The following DBF4B variants were observed in gnomAD, a reference collection of about 807,000 sequenced individuals.
DBF4B encodes the protein DBF4B-CDC7 kinase regulatory subunit.
In DBF4B, 49 loss-of-function variants were observed where a neutral mutation model predicts 53.4. The observed-to-expected ratio is 0.92, with a 90% CI of 0.73 to 1.16. The LOEUF (loss-of-function observed/expected upper bound fraction) is 1.16. DBF4B is among the 50% of genes most tolerant of loss of function. DBF4B has a pLI of 0.00. For synonymous variants in DBF4B, 257 were observed against 288.7 expected, an observed-to-expected ratio of 0.89 and a Z score of 1.11; for missense variants, 692 against 775.0, an observed-to-expected ratio of 0.89 and a Z score of 1.27.
In DBF4B at chr17:44,751,703, C is replaced by T. The variant is rs933679634; in HGVS notation, c.*450C>T. On this transcript the variant is annotated 3_prime_UTR_variant, in exon 14 of 14. Coordinates refer to ENST00000315005, the MANE Select transcript of DBF4B (RefSeq NM_145663.3). ...TCCTGCGGTCTATACCTACCGCCTC[C>T]TCTTCACCTCCTTCCCTTCCACACT... is the stretch of plus-strand genomic sequence containing the variant. 2.1e-6 allele frequency: 3 copies of T among 1,432,500 alleles called. No homozygotes were observed. Among genetic ancestry groups the T allele is most frequent in the Non-Finnish European group, 2.7e-6 (3 of 1,095,856 alleles). 88.7% of individuals were successfully genotyped at this position (1,432,500 alleles called of 1,614,324 possible).
In DBF4B at chr17:44,741,317, GAA is replaced by G. The variant is rs759348746; in HGVS notation, c.714-18_714-17del. ...TACCTTCCCCATTGTAGTCAAAGTG[GAA>G]GTTTTCTCTGTTGCAGGAAGTTTCG... On this transcript the variant is annotated splice_polypyrimidine_tract_variant and intron_variant, in intron 9 of 13. Transcript: ENST00000315005. 1 of 1,577,424 alleles carries G rather than the reference GAA, an allele frequency of 6.3e-7. No homozygotes were observed. Among genetic ancestry groups the G allele is most frequent in the East Asian group, 2.2e-5 (1 of 44,658 alleles).
chr17:44,725,000 C>A (rs1974176811), intron 3 of DBF4B, among the ~76,000 whole-genome samples: 1 of 150,596 alleles, frequency 6.6e-6, no homozygotes, highest in Non-Finnish European at 1.5e-5. Context: ...CCTGTAATCC[C>A]AACTATGCAG....
chr17:44,741,435 C>A lies in DBF4B; in HGVS notation c.813C>A (p.Gly271=), dbSNP rs1383129846. The change falls in exon 10 of 14, where the codon GGC becomes GGA. Residue 271 remains glycine, a synonymous_variant. Transcript: ENST00000315005. ...CCTTTGAGGCCCCGACGACCCTGGG[C>A]AGCATGCACCATACCAGGTGGGTCT... ...ASPFEAPTTL[G]SMHHTRESKD... is the part of the protein sequence containing the mutation. 1.9e-6 allele frequency: 3 copies of A among 1,609,442 alleles called. No homozygotes were observed. The highest frequency in any genetic ancestry group is 2.5e-6 in the Non-Finnish European group (3 of 1,177,450).
intron 8 of DBF4B, among the ~76,000 whole-genome samples, chr17:44,737,462 T>C (rs1472985893): frequency 5.3e-5 from 8 of 152,216 alleles, no homozygotes; most frequent in Non-Finnish European, 1.2e-4. Flanking sequence ...CTCAGTTAAT[T>C]AGAAAGACAA....
chr17:44,751,313 T>C lies in DBF4B; in HGVS notation c.*60T>C, dbSNP rs1176718977. 11 of 1,555,666 alleles carry C rather than the reference T, an allele frequency of 7.1e-6. No homozygotes were observed. ...ATGGATGGGTGCTGCTTGATGTGAA[T>C]GAGGTCCCGCAGTGGCTCCTTGGCG... On this transcript the variant is annotated 3_prime_UTR_variant, in exon 14 of 14. Transcript: ENST00000315005.
intron 2 of DBF4B, among the ~76,000 whole-genome samples, chr17:44,717,341 A>G (rs1192712045): frequency 1.3e-5 from 2 of 152,180 alleles, no homozygotes; most frequent in Non-Finnish European, 2.9e-5. Flanking sequence ...AAAAAATTTC[A>G]AAAATAGTCA....
Position 44,751,083 on chromosome 17 carries a change from T to TC in DBF4B, c.1679dup (p.Leu561IlefsTer24). On this transcript the variant is annotated frameshift_variant, in exon 14 of 14. Coordinates refer to ENST00000315005, the MANE Select transcript of DBF4B (RefSeq NM_145663.3). LOFTEE classifies it low-confidence loss of function (END_TRUNC). ...CCTGTGGTGCCGGGTTCGGGTGCCC[T>TC]CATTGTCAACTGCAGGACCCATTCC... The TC allele has an allele frequency of 6.2e-7, 1 of 1,614,120 alleles. No individual in the cohort carries two copies. The highest frequency in any genetic ancestry group is 1.1e-5 in the South Asian group (1 of 91,084).
At chr17:44,720,150 G>A in intron 2 of DBF4B, 1 of 326,578 alleles carries the variant, frequency 3.1e-6, no homozygotes, top group Non-Finnish European at 5.8e-6. Flanking sequence ...CAGTGGTGAT[G>A]ATCAGAATCG....
At chr17:44,709,429 A>C (rs1226489014) in intron 2 of DBF4B, 63 bp downstream of exon 2, 1 of 1,566,356 alleles carries the variant, frequency 6.4e-7, no homozygotes, top group Non-Finnish European at 8.8e-7. Flanking sequence ...CTTGGAGAAG[A>C]CCGAAAAATG....
At chr17:44,734,053 G>A in intron 6 of DBF4B, 37 bp from the exon 7 acceptor site, 1 of 1,576,676 alleles carries the variant, frequency 6.3e-7, no homozygotes. Context: ...AGTGAAGACT[G>A]GAAGCCTTTG....
chr17:44,744,912 T>C (rs1976453189), intron 10 of DBF4B, among the ~76,000 whole-genome samples: 1 of 152,206 alleles, frequency 6.6e-6, no homozygotes, highest in Non-Finnish European at 1.5e-5. Context: ...TTTTATTTGG[T>C]TATTGATCAC....
At chr17:44,710,342 AGT>A (rs1343363246) in intron 2 of DBF4B, among the ~76,000 whole-genome samples, 1 of 152,004 alleles carries the variant, frequency 6.6e-6, no homozygotes, top group Non-Finnish European at 1.5e-5. Context: ...GAACTTCAAG[AGT>A]GTTTTCAAAA....
Position 44,751,523 on chromosome 17 carries a change from A to G in DBF4B, c.*270A>G, listed in dbSNP as rs1265205797. On this transcript the variant is annotated 3_prime_UTR_variant, in exon 14 of 14. Transcript: ENST00000315005. ...CTGTCTGTCCCTGGCCCTCCAGCCC[A>G]CCTCGCCAACCACTCTTGTTGGTTT... The G allele has an allele frequency of 3.1e-6, 4 of 1,308,726 alleles. No homozygotes were observed. The highest frequency in any genetic ancestry group is 3.9e-6 in the Non-Finnish European group (4 of 1,032,040). 81.1% of individuals were successfully genotyped at this position (1,308,726 alleles called of 1,614,324 possible). A position where few individuals can be genotyped will look rare whatever the true frequency, so the allele number is the denominator to read the frequency against.
At chr17:44,718,663 A>G (rs1973556427) in intron 2 of DBF4B, among the ~76,000 whole-genome samples, 1 of 152,064 alleles carries the variant, frequency 6.6e-6, no homozygotes, top group South Asian at 2.1e-4. Flanking sequence ...GATAAGATAA[A>G]TCTCATTAAC....
intron 3 of DBF4B, among the ~76,000 whole-genome samples, chr17:44,729,584 G>T (rs540326262): frequency 2.0e-5 from 3 of 151,638 alleles, no homozygotes; most frequent in African/African-American, 7.3e-5. Flanking sequence ...GTGTGTTCTT[G>T]CTGCATGCAA....
chr17:44,709,550 G>A (rs771779977), intron 2 of DBF4B, among the ~76,000 whole-genome samples, 184 bp downstream of exon 2: 1 of 152,014 alleles, frequency 6.6e-6, no homozygotes, highest in African/African-American at 2.4e-5. Flanking sequence ...CAAACTCCTG[G>A]CCTCAAGCAG....
At chr17:44,730,332 G>T (rs1005315107) in intron 4 of DBF4B, among the ~76,000 whole-genome samples, 9 of 152,160 alleles carry the variant, frequency 5.9e-5, no homozygotes, top group African/African-American at 1.9e-4. Context: ...AAAGTCAGAG[G>T]TTTAGAAACC....
intron 3 of DBF4B, among the ~76,000 whole-genome samples, chr17:44,728,236 C>T (rs1016011821): frequency 2.6e-5 from 4 of 152,058 alleles, no homozygotes; most frequent in African/African-American, 9.7e-5. Flanking sequence ...GTCTCAAGGC[C>T]ACCTTCCCAG....
intron 10 of DBF4B, among the ~76,000 whole-genome samples, chr17:44,744,007 C>T (rs1027961548): frequency 1.0e-4 from 15 of 144,516 alleles, no homozygotes; most frequent in African/African-American, 3.6e-4. Context: ...AATCCCAGCA[C>T]TTTGGGAGGC....
Sources: allele counts gnomAD v4.1 joint callset (sites outside exome capture counted in the v4.1 genomes callset), GRCh38; gene constraint gnomAD v4.1.1; transcripts MANE v1.5; gene names NCBI Gene and HGNC (gene_info 2026-07-23, HGNC 2026-07-21).